Variants in LRRC4C observed in about 807,000 individuals in gnomAD.
LRRC4C encodes the protein leucine-rich repeat-containing protein 4C.
Under a neutral mutation model 33.6 loss-of-function variants are expected in LRRC4C, and 5 were observed. The observed-to-expected ratio is 0.15, with a 90% CI of 0.08 to 0.31. LRRC4C has a LOEUF of 0.31. LRRC4C is among the 10% of genes least tolerant of loss of function. The pLI is 1.00. For missense variants in LRRC4C, 560 were observed against 796.7 expected (o/e 0.70, Z 3.58); for synonymous variants, 329 against 302.0 (o/e 1.09, Z -0.93).
At chr11:40,743,403 A>C (rs569899386) in intron 2 of LRRC4C, among the ~76,000 whole-genome samples, 42 of 152,204 alleles carry the variant, frequency 2.8e-4, no homozygotes, top group African/African-American at 9.9e-4. Flanking sequence ...TCAAGGTCAG[A>C]GGTCTAAAAT....
intron 1 of LRRC4C, among the ~76,000 whole-genome samples, chr11:40,989,245 T>G (rs1244212419): frequency 6.6e-6 from 1 of 152,208 alleles, no homozygotes; most frequent in Non-Finnish European, 1.5e-5. Context: ...CATTGCTCAT[T>G]AGACATTTTA....
At chr11:41,181,368 A>AG (rs1347785136) in intron 1 of LRRC4C, among the ~76,000 whole-genome samples, 3 of 152,036 alleles carry the variant, frequency 2.0e-5, no homozygotes, top group African/African-American at 7.2e-5. Context: ...GATTTTCCAG[A>AG]GGGGGAAAAA....
rs188279005 is a variant in LRRC4C, at chr11:41,110,183, G to T, written c.-495-176460C>A. ...AATCCTGGCTCTAGTACACAACTGG[G>T]TGACTTACGGCTTATTCTTTAATCT... is the stretch of plus-strand genomic sequence containing the variant. On this transcript the variant is annotated intron_variant, in intron 1 of 6. Transcript: ENST00000528697. Among the ~76,000 whole-genome samples the T allele has an allele frequency of 4.5e-3, 686 of 152,078 alleles. 6 individuals are homozygous for T. The highest frequency in any genetic ancestry group is 6.6e-3 in the Non-Finnish European group (451 of 67,954).
chr11:41,202,868 C>A (rs1044170943), intron 1 of LRRC4C, among the ~76,000 whole-genome samples: 17 of 151,932 alleles, frequency 1.1e-4, no homozygotes, highest in African/African-American at 4.1e-4. Flanking sequence ...TCTCTGCAAC[C>A]TCCGCCTCCC....
At chr11:41,294,597 A>G (rs961308713) in intron 1 of LRRC4C, among the ~76,000 whole-genome samples, 33 of 152,220 alleles carry the variant, frequency 2.2e-4, no homozygotes, top group Admixed American at 6.5e-5. Flanking sequence ...TTAAGAGGTA[A>G]GATTTACTCT....
At chr11:41,317,435 T>C (rs117490230) in intron 1 of LRRC4C, among the ~76,000 whole-genome samples, 2 of 152,258 alleles carry the variant, frequency 1.3e-5, no homozygotes, top group African/African-American at 2.4e-5. Context: ...AATGAACTTA[T>C]TGAAAAACTA....
intron 1 of LRRC4C, among the ~76,000 whole-genome samples, chr11:41,400,398 C>T (rs1041866797): frequency 6.6e-6 from 1 of 151,770 alleles, no homozygotes; most frequent in Non-Finnish European, 1.5e-5. Context: ...TAAATCTAAG[C>T]GATTTCCACT....
intron 4 of LRRC4C, among the ~76,000 whole-genome samples, chr11:40,308,917 T>A (rs942132454): frequency 6.6e-6 from 1 of 152,190 alleles, no homozygotes; most frequent in Non-Finnish European, 1.5e-5. Flanking sequence ...ATATGAATCA[T>A]CAGAATGGGC....
In LRRC4C at chr11:40,114,577, A is replaced by G. The variant is rs768167027; in HGVS notation, c.1716T>C (p.Asp572=). ...PTRTVEIINV[D]DEITGDTPME... ...TGGGTGTGTCTCCCGTAATCTCATC[A>G]TCCACATTAATAATTTCAACAGTCC... The change falls in exon 7 of 7, where the codon GAT becomes GAC. Residue 572 remains aspartate (D), a synonymous_variant. Coordinates refer to ENST00000528697, the MANE Select transcript of LRRC4C (RefSeq NM_001258419.2). 6.2e-7 allele frequency: 1 copy of G among 1,614,148 alleles called. No homozygotes were observed. The highest frequency in any genetic ancestry group is 8.5e-7 in the Non-Finnish European group (1 of 1,180,036).
intron 1 of LRRC4C, among the ~76,000 whole-genome samples, chr11:41,391,091 A>G (rs997618057): frequency 2.0e-5 from 3 of 151,862 alleles, no homozygotes; most frequent in Non-Finnish European, 4.4e-5. Flanking sequence ...CAAGGTGTTC[A>G]AGGGACTTGG....
intron 3 of LRRC4C, among the ~76,000 whole-genome samples, chr11:40,531,539 T>C (rs1956272005): frequency 6.6e-6 from 1 of 152,020 alleles, no homozygotes; most frequent in Admixed American, 6.6e-5. Context: ...AAACAGAAAA[T>C]CTCAACAATT....
intron 3 of LRRC4C, among the ~76,000 whole-genome samples, chr11:40,378,203 G>C (rs1487478199): frequency 6.6e-6 from 1 of 151,962 alleles, no homozygotes; most frequent in Non-Finnish European, 1.5e-5. Context: ...ATGAATTGAT[G>C]CAAGACAGAT....
At chr11:40,356,426 C>T (rs913145680) in intron 3 of LRRC4C, among the ~76,000 whole-genome samples, 1 of 152,154 alleles carries the variant, frequency 6.6e-6, no homozygotes, top group Non-Finnish European at 1.5e-5. Flanking sequence ...ATCTATTTCT[C>T]ACAATTATTC....
At chr11:40,298,907 C>T (rs530577353) in intron 4 of LRRC4C, among the ~76,000 whole-genome samples, 3 of 151,900 alleles carry the variant, frequency 2.0e-5, no homozygotes, top group Non-Finnish European at 4.4e-5. Flanking sequence ...GGGGGAAATG[C>T]TCCCATGATG....
chr11:40,819,338 T>C (rs1475431175), intron 2 of LRRC4C, among the ~76,000 whole-genome samples: 2 of 152,038 alleles, frequency 1.3e-5, no homozygotes, highest in Non-Finnish European at 1.5e-5. Context: ...CATTTACAGA[T>C]GAAAAACTGC....
At chr11:40,575,244 T>C (rs1450523184) in intron 3 of LRRC4C, among the ~76,000 whole-genome samples, 4 of 152,214 alleles carry the variant, frequency 2.6e-5, no homozygotes, top group African/African-American at 4.8e-5. Context: ...GCGCACGTCA[T>C]GGGGTTCCCA....
At chr11:40,743,290 A>T (rs189005685) in intron 2 of LRRC4C, among the ~76,000 whole-genome samples, 1 of 152,028 alleles carries the variant, frequency 6.6e-6, no homozygotes, top group Non-Finnish European at 1.5e-5. Flanking sequence ...TTCTTAAAAC[A>T]ATTTCTCTTA....
At chr11:40,712,413 A>G (rs1946511332) in intron 2 of LRRC4C, among the ~76,000 whole-genome samples, 1 of 152,174 alleles carries the variant, frequency 6.6e-6, no homozygotes, top group African/African-American at 2.4e-5. Flanking sequence ...TAAAAGTTAA[A>G]CCTACATGCC....
intron 1 of LRRC4C, among the ~76,000 whole-genome samples, chr11:41,354,634 C>T (rs767652985): frequency 2.6e-5 from 4 of 151,966 alleles, no homozygotes; most frequent in Admixed American, 1.3e-4. Flanking sequence ...AATTATACTA[C>T]AGCATGATGT....
Sources: gnomAD v4.1 joint callset for allele counts (sites outside exome capture counted in the v4.1 genomes callset) on GRCh38, gnomAD v4.1.1 for gene constraint, MANE v1.5 for transcripts, NCBI Gene and HGNC (gene_info 2026-07-23, HGNC 2026-07-21) for gene names.